Variants in PIK3C2B observed in about 807,000 individuals in gnomAD.
PIK3C2B encodes phosphatidylinositol-4-phosphate 3-kinase catalytic subunit type 2 beta, also known as phosphatidylinositol 4-phosphate 3-kinase C2 domain-containing subunit beta.
A neutral mutation model predicts 184.3 loss-of-function variants in PIK3C2B; 83 were observed. The observed-to-expected ratio is 0.45, with a 90% CI of 0.38 to 0.54. The LOEUF is 0.54. Among genes scored for constraint, PIK3C2B ranks in the 20% least tolerant of loss-of-function variants. The probability of loss-of-function intolerance (pLI) is 0.00; values close to 1 mark genes in which losing one functional copy is unlikely to be tolerated. For missense variants in PIK3C2B, 1,736 were observed against 2,113.5 expected (o/e 0.82, Z 3.50); for synonymous variants, 779 against 837.6 (o/e 0.93, Z 1.21).
At chr1:204,428,066 G>T (rs1674842559) in intron 30 of PIK3C2B, 73 bp downstream of exon 30, 2 of 837,768 alleles carry the variant, frequency 2.4e-6, no homozygotes, top group Non-Finnish European at 4.1e-6. Context: ...CTGAGAAGAG[G>T]TTGGGGCAGA....
Position 204,444,441 on chromosome 1 carries a change from A to C in PIK3C2B, c.2679-17T>G. 1.9e-6 allele frequency: 3 copies of C among 1,599,376 alleles called. No individual in the cohort carries two copies. The highest frequency in any genetic ancestry group is 2.6e-6 in the Non-Finnish European group (3 of 1,170,040). On this transcript the variant is annotated splice_polypyrimidine_tract_variant and intron_variant, in intron 16 of 32. Coordinates refer to ENST00000684373, the MANE Select transcript of PIK3C2B (RefSeq NM_001377334.1). The stretch of plus-strand genomic sequence containing the variant: ...TCCGGGAAGCTGCAAAACAGAGCCC[A>C]GTGCCCTGACAACCTAGCTGCAAGT...
At chr1:204,472,844 G>C (rs1211232701) in intron 1 of PIK3C2B, among the ~76,000 whole-genome samples, 1 of 152,240 alleles carries the variant, frequency 6.6e-6, no homozygotes, top group East Asian at 1.9e-4. Flanking sequence ...CTCTGTGGTA[G>C]GGTAATGGTA....
chr1:204,469,753 A>G lies in PIK3C2B; in HGVS notation c.50T>C (p.Val17Ala). The change falls in exon 2 of 33, where the codon GTG becomes GCG. Residue 17 changes from valine (V) to alanine (A), a missense_variant. Transcript: ENST00000684373. Reference sequence around the variant, plus strand: ...CGCTAGCTCTTTGCGGCTGATGCCCACTGACTCCAGGGACTTCCAGTGTTC... The same window carrying G: ...CGCTAGCTCTTTGCGGCTGATGCCCGCTGACTCCAGGGACTTCCAGTGTTC... ...NGEHWKSLES[V>A]GISRKELAMA... 1 of 1,614,004 alleles carries G rather than the reference A, an allele frequency of 6.2e-7. No homozygotes were observed. Among genetic ancestry groups the G allele is most frequent in the Non-Finnish European group, 8.5e-7 (1 of 1,179,950 alleles).
Position 204,424,835 on chromosome 1 carries a change from T to TGGCTCTGCTGGGC in PIK3C2B, c.*16_*17insGCCCAGCAGAGCC. The TGGCTCTGCTGGGC allele has an allele frequency of 6.2e-7, 1 of 1,612,638 alleles. No homozygotes were observed. Among genetic ancestry groups the TGGCTCTGCTGGGC allele is most frequent in the Non-Finnish European group, 8.5e-7 (1 of 1,178,892 alleles). ...CCTGCCACCAGCCTGGGATGCTGGG[T>TGGCTCTGCTGGGC]GGTGGCTCTGCTGGGCTCACAAGGT... On this transcript the variant is annotated 3_prime_UTR_variant, in exon 33 of 33. Transcript: ENST00000684373.
chr1:204,447,814 C>T lies in PIK3C2B; in HGVS notation c.2347-236G>A, dbSNP rs536289697. Among the ~76,000 whole-genome samples the T allele has an allele frequency of 2.0e-5, 3 of 152,120 alleles. No homozygotes were observed. Among genetic ancestry groups the T allele is most frequent in the Admixed American group, 2.0e-4 (3 of 15,270 alleles). Reference sequence around the variant, plus strand: ...AGAATGGACATGTGAGGAAGAGGTTCGGTGGAGATGCACCTTGGTGAGGGG... The same window carrying T: ...AGAATGGACATGTGAGGAAGAGGTTTGGTGGAGATGCACCTTGGTGAGGGG... On this transcript the variant is annotated intron_variant, in intron 14 of 32. Transcript: ENST00000684373. The surrounding 1 kb of genome is among the most constrained non-coding windows in gnomAD (Gnocchi z 4.1).
At chr1:204,486,067 G>C (rs1657560338) in intron 1 of PIK3C2B, among the ~76,000 whole-genome samples, 1 of 152,158 alleles carries the variant, frequency 6.6e-6, no homozygotes, top group South Asian at 2.1e-4. Context: ...GGTATTTATA[G>C]CTACAAAGCA....
chr1:204,462,355 T>C, intron 5 of PIK3C2B, among the ~76,000 whole-genome samples: 1 of 145,426 alleles, frequency 6.9e-6, no homozygotes, highest in Non-Finnish European at 1.5e-5. Flanking sequence ...GCTCCTTCCC[T>C]GCTGGTATTT....
chr1:204,492,322 C>T (rs991868428), intron 1 of PIK3C2B, among the ~76,000 whole-genome samples: 4 of 152,144 alleles, frequency 2.6e-5, no homozygotes, highest in Non-Finnish European at 4.4e-5. Context: ...ATTGTCTGTG[C>T]TCACATAGCT....
In PIK3C2B at chr1:204,469,105, T is replaced by C. The variant is rs747903683; in HGVS notation, c.698A>G (p.Asp233Gly). 8 of 1,614,044 alleles carry C rather than the reference T, an allele frequency of 5.0e-6. No individual in the cohort carries two copies. Among genetic ancestry groups the C allele is most frequent in the Admixed American group, 1.7e-5 (1 of 60,002 alleles). Residue 233 changes from aspartate (D) to glycine (G), a missense_variant, in exon 2 of 33, where the codon GAT becomes GGT. By Grantham distance (94) the Asp-to-Gly change is moderately conservative. Coordinates refer to ENST00000684373, the MANE Select transcript of PIK3C2B (RefSeq NM_001377334.1). ...LGSVDYDGIN[D>G]AITRLNLKST... Reference sequence around the variant, plus strand: ...TTTCAAGTTGAGCCTAGTAATTGCATCATTGATACCATCATAGTCCACAGA... The same window carrying C: ...TTTCAAGTTGAGCCTAGTAATTGCACCATTGATACCATCATAGTCCACAGA...
intron 1 of PIK3C2B, among the ~76,000 whole-genome samples, chr1:204,494,154 A>G (rs1465014964): frequency 2.6e-5 from 4 of 151,996 alleles, no homozygotes; most frequent in Admixed American, 6.5e-5. Flanking sequence ...GTGAGGGGCA[A>G]CCTGCTCTGC....
chr1:204,465,193 ATCCC>A, intron 3 of PIK3C2B, 22 bp downstream of exon 3: 1 of 1,216,590 alleles, frequency 8.2e-7, no homozygotes, highest in Non-Finnish European at 1.2e-6. Flanking sequence ...GCCCTCCCAA[ATCCC>A]ACCCCATTCT....
chr1:204,460,523 G>A, intron 6 of PIK3C2B, 27 bp downstream of exon 6: 1 of 1,590,978 alleles, frequency 6.3e-7, no homozygotes. Flanking sequence ...CCAGCCCTGG[G>A]CAACCCTCCA....
intron 28 of PIK3C2B, among the ~76,000 whole-genome samples, 176 bp from the exon 29 acceptor site, chr1:204,430,214 G>A (rs1674968506): frequency 6.6e-6 from 1 of 152,144 alleles, no homozygotes; most frequent in Non-Finnish European, 1.5e-5. Context: ...TCTGTGCCCA[G>A]GTCTGACACC....
At position 204,422,673 on chromosome 1, in the gene PIK3C2B, G is replaced by A. The variant is rs925476530; in HGVS notation, c.*2179C>T. On this transcript the variant is annotated 3_prime_UTR_variant, in exon 33 of 33. Coordinates refer to ENST00000684373, the MANE Select transcript of PIK3C2B (RefSeq NM_001377334.1). ...TCATTTATTAGAAAATACAATTCCC[G>A]AGAAAGGAGATACAAGGGATTCTGG... is the stretch of plus-strand genomic sequence containing the variant. 1 of 152,338 alleles carries A rather than the reference G, an allele frequency of 6.6e-6. No homozygotes were observed. Among genetic ancestry groups the A allele is most frequent in the African/African-American group, 2.4e-5 (1 of 41,356 alleles). The allele number at this position is 152,338 out of a possible 1,614,324, so 9.4% of individuals were successfully genotyped here.
intron 2 of PIK3C2B, among the ~76,000 whole-genome samples, chr1:204,466,489 T>TGGGGGGGGGGG (rs370904930): frequency 3.1e-5 from 2 of 65,470 alleles, no homozygotes; most frequent in African/African-American, 1.1e-4. Flanking sequence ...CGGCGGGGGG[T>TGGGGGGGGGGG]GGGGGTGCAC....
At chr1:204,425,511 T>C (rs1011272412) in intron 32 of PIK3C2B, 102 bp downstream of exon 32, 9 of 1,291,212 alleles carry the variant, frequency 7.0e-6, no homozygotes, top group Non-Finnish European at 1.0e-5. Flanking sequence ...TACAGCCATG[T>C]TCTTAATACA....
In PIK3C2B at chr1:204,433,257, C is replaced by T. The variant is rs1468137476; in HGVS notation, c.3953+59G>A. 3.3e-5 allele frequency: 31 copies of T among 939,580 alleles called. No individual in the cohort carries two copies. Among genetic ancestry groups the T allele is most frequent in the East Asian group, 7.3e-5 (3 of 41,056 alleles). 58.2% of individuals were successfully genotyped at this position (939,580 alleles called of 1,614,324 possible). A position where few individuals can be genotyped will look rare whatever the true frequency, so the allele number is the denominator to read the frequency against. On this transcript the variant is annotated intron_variant, in intron 26 of 32. Transcript: ENST00000684373. The surrounding 1 kb of genome is among the most constrained non-coding windows in gnomAD (Gnocchi z 5.0). ...TTCCCCAGTCCTCCTCCTGCCAATC[C>T]GGCAGGCTGGGAATTACTCAGGGTG...
Position 204,443,346 on chromosome 1 carries a change from G to T in PIK3C2B, c.3048+71C>A, listed in dbSNP as rs568175724. 1,035 of 1,446,680 alleles carry T rather than the reference G, an allele frequency of 7.2e-4. 2 individuals are homozygous for T. Among genetic ancestry groups the T allele is most frequent in the Non-Finnish European group, 9.2e-4 (966 of 1,051,200 alleles). 89.6% of individuals were successfully genotyped at this position (1,446,680 alleles called of 1,614,324 possible). On this transcript the variant is annotated intron_variant, in intron 19 of 32. Coordinates refer to ENST00000684373, the MANE Select transcript of PIK3C2B (RefSeq NM_001377334.1). ...CGTCACGTGGAATCTTGTTGTTCAG[G>T]ATTCCTAAGAAGAAACTGGCTGCCA...
In PIK3C2B at chr1:204,467,281, T is replaced by C. The variant is rs998509091; in HGVS notation, c.933+1589A>G. ...GGGAACAGGAATCTCCCAGTCCCTA[T>C]AAATAGCGGGAACAGCCCCACCTCT... On this transcript the variant is annotated intron_variant, in intron 2 of 32. Transcript: ENST00000684373. The C allele has an allele frequency of 7.6e-5, 16 of 211,054 alleles. No individual in the cohort carries two copies. The East Asian group carries it at 2.1e-3, about 28-fold the overall frequency. The allele number at this position is 211,054 out of a possible 1,614,324, so 13.1% of individuals were successfully genotyped here.
Sources: gnomAD v4.1 joint callset for allele counts (sites outside exome capture counted in the v4.1 genomes callset) on GRCh38, gnomAD v4.1.1 for gene constraint, Gnocchi (gnomAD v3.1) non-coding constraint, MANE v1.5 for transcripts, NCBI Gene and HGNC (gene_info 2026-07-23, HGNC 2026-07-21) for gene names.